SP100: variants seen among roughly 807,000 people sequenced by gnomAD.
The protein encoded by SP100 is SP100 nuclear body protein, also known as nuclear autoantigen Sp-100.
In SP100, 84 loss-of-function variants were observed where a neutral mutation model predicts 130.0. The observed-to-expected ratio is 0.65, with a 90% CI of 0.54 to 0.77. The LOEUF (loss-of-function observed/expected upper bound fraction) is 0.77, where lower values mean the gene tolerates loss of function less well. SP100 is among the 30% of genes least tolerant of loss of function. The probability of loss-of-function intolerance (pLI) is 0.00; values close to 1 mark genes in which losing one functional copy is unlikely to be tolerated. For synonymous variants in SP100, 331 were observed against 351.7 expected, an observed-to-expected ratio of 0.94 and a Z score of 0.66; for missense variants, 978 against 1,052.2, an observed-to-expected ratio of 0.93 and a Z score of 0.97.
rs1257267839 is a variant in SP100, at chr2:230,543,176, C to G, written c.*230C>G. The G allele has an allele frequency of 2.8e-6, 1 of 352,514 alleles. No individual in the cohort carries two copies. Among genetic ancestry groups the G allele is most frequent in the Non-Finnish European group, 5.2e-6 (1 of 191,324 alleles). 21.8% of individuals were successfully genotyped at this position (352,514 alleles called of 1,614,324 possible). ...GAACATATCCCAAAATAATAAGAGCCATTTATGACAAACCCACAGACAACA... is the reference window on the plus strand; with the variant it reads ...GAACATATCCCAAAATAATAAGAGCGATTTATGACAAACCCACAGACAACA... On this transcript the variant is annotated 3_prime_UTR_variant, in exon 29 of 29. Transcript: ENST00000340126.
chr2:230,501,312 T>C (rs1012291745), intron 19 of SP100, among the ~76,000 whole-genome samples: 8 of 152,156 alleles, frequency 5.3e-5, no homozygotes, highest in African/African-American at 1.7e-4. Context: ...ATAATTCTTT[T>C]ATATGGGTTT....
chr2:230,535,063 G>A (rs139873351), intron 24 of SP100, among the ~76,000 whole-genome samples: 4,529 of 152,174 alleles, frequency 0.03, 215 homozygotes, highest in African/African-American at 0.1. Flanking sequence ...GGGCATGGTG[G>A]CAGGCACCTG....
chr2:230,437,665 TCTC>T (rs2063334566), intron 2 of SP100, among the ~76,000 whole-genome samples: 2 of 152,048 alleles, frequency 1.3e-5, no homozygotes. Flanking sequence ...TTCAAGCAAT[TCTC>T]CTGCCTCAGC....
intron 24 of SP100, chr2:230,520,785 G>T (rs1231072490): frequency 6.6e-6 from 1 of 152,214 alleles, no homozygotes; most frequent in Admixed American, 6.5e-5. Context: ...TTACAAGTTG[G>T]AATGATTTTA....
At chr2:230,496,691 C>A (rs992614845) in intron 18 of SP100, among the ~76,000 whole-genome samples, 4 of 152,154 alleles carry the variant, frequency 2.6e-5, no homozygotes, top group Non-Finnish European at 4.4e-5. Flanking sequence ...TTAGAGAGAA[C>A]CTCTCAACCA....
At chr2:230,495,867 G>A (rs1022648709) in intron 18 of SP100, among the ~76,000 whole-genome samples, 1 of 152,004 alleles carries the variant, frequency 6.6e-6, no homozygotes, top group Admixed American at 6.6e-5. Flanking sequence ...TTTTCCTCTA[G>A]AGCTAAAGCA....
intron 9 of SP100, 39 bp downstream of exon 9, chr2:230,461,453 G>A: frequency 6.2e-7 from 1 of 1,607,710 alleles, no homozygotes; most frequent in Non-Finnish European, 8.5e-7. Flanking sequence ...GTGAGTCACA[G>A]GTTACCAGGT....
At chr2:230,478,163 T>G (rs2065661491) in intron 17 of SP100, among the ~76,000 whole-genome samples, 1 of 152,188 alleles carries the variant, frequency 6.6e-6, no homozygotes, top group Non-Finnish European at 1.5e-5. Flanking sequence ...GAGACAAGAC[T>G]CTCAAAATCT....
At chr2:230,515,014 T>C (rs1690824083) in intron 24 of SP100, 2 of 1,576,030 alleles carry the variant, frequency 1.3e-6, no homozygotes, top group Non-Finnish European at 1.7e-6. Flanking sequence ...TGAGGAAAAA[T>C]AACTAAACAT....
At chr2:230,421,479 T>C (rs2062766999) in intron 2 of SP100, among the ~76,000 whole-genome samples, 1 of 145,122 alleles carries the variant, frequency 6.9e-6, no homozygotes, top group Non-Finnish European at 1.5e-5. Context: ...AGTAGCCTCC[T>C]GACTAAGAGT....
At chr2:230,426,136 CTTT>C (rs1559481232) in intron 2 of SP100, among the ~76,000 whole-genome samples, 1 of 152,002 alleles carries the variant, frequency 6.6e-6, no homozygotes, top group African/African-American at 2.4e-5. Flanking sequence ...AGACTTGTCT[CTTT>C]TTTAACTTGG....
intron 8 of SP100, among the ~76,000 whole-genome samples, chr2:230,454,336 T>G (rs2064161656): frequency 6.6e-6 from 1 of 152,136 alleles, no homozygotes; most frequent in Non-Finnish European, 1.5e-5. Context: ...ATTTTTGCCT[T>G]AGTTTTTCTT....
chr2:230,421,767 T>C (rs1384762376), intron 2 of SP100, among the ~76,000 whole-genome samples: 1 of 152,118 alleles, frequency 6.6e-6, no homozygotes, highest in Non-Finnish European at 1.5e-5. Context: ...TGTCTGAAAT[T>C]TTCTGGCTCT....
chr2:230,471,326 G>C (rs1297526528), intron 15 of SP100, among the ~76,000 whole-genome samples: 1 of 152,154 alleles, frequency 6.6e-6, no homozygotes, highest in Non-Finnish European at 1.5e-5. Context: ...CATTGATATA[G>C]GTGTATTTTT....
In SP100 at chr2:230,474,438, G is replaced by A. The variant is rs1185499496; in HGVS notation, c.1591G>A (p.Gly531Arg). The part of the protein sequence containing the change: ...ENNSTLEKHS[G>R]KRRKKRRHRS... Reference sequence around the variant, plus strand: ...CAATTCTACTTTGGAAAAACACAGTGGGAAAAGAAGTAAGAACAAATAAGA... The same window carrying A: ...CAATTCTACTTTGGAAAAACACAGTAGGAAAAGAAGTAAGAACAAATAAGA... The change falls in exon 17 of 29, where the codon GGG (glycine) becomes AGG (arginine). Residue 531 changes from glycine (G) to arginine (R), a missense_variant. Transcript: ENST00000340126. 4 of 1,460,760 alleles carry A rather than the reference G, an allele frequency of 2.7e-6. No individual in the cohort carries two copies. The highest frequency in any genetic ancestry group is 2.9e-6 in the Non-Finnish European group (3 of 1,049,542). The allele number at this position is 1,460,760 out of a possible 1,614,324, so 90.5% of individuals were successfully genotyped here. A position where few individuals can be genotyped will look rare whatever the true frequency, so the allele number is the denominator to read the frequency against.
At chr2:230,537,832 C>T (rs1183217727) in intron 24 of SP100, 2 of 152,204 alleles carry the variant, frequency 1.3e-5, no homozygotes, top group Non-Finnish European at 2.9e-5. Flanking sequence ...TAGTGCAATA[C>T]AGTTCGATCA....
chr2:230,442,041 C>CT (rs78552071), intron 2 of SP100, among the ~76,000 whole-genome samples: 41,745 of 151,856 alleles, frequency 0.27, 5,937 homozygotes, highest in Middle Eastern at 0.34. Context: ...TAACCAGAAA[C>CT]TTTTTTTACA....
intron 24 of SP100, among the ~76,000 whole-genome samples, chr2:230,524,715 A>G (rs78742762): frequency 0.022 from 3,322 of 152,304 alleles, 122 homozygotes; most frequent in African/African-American, 0.075. Context: ...GTAATTTCCA[A>G]TTAAGAAAAG....
chr2:230,512,831 T>C (rs532170827), intron 24 of SP100, among the ~76,000 whole-genome samples: 115 of 152,250 alleles, frequency 7.6e-4, no homozygotes, highest in African/African-American at 2.7e-3. Context: ...CCTGAGCTTG[T>C]TTTTCTGCAA....
Sources: gnomAD v4.1 joint callset for allele counts (sites outside exome capture counted in the v4.1 genomes callset) on GRCh38, gnomAD v4.1.1 for gene constraint, MANE v1.5 for transcripts, NCBI Gene and HGNC (gene_info 2026-07-23, HGNC 2026-07-21) for gene names.